VWC2: variants seen among roughly 807,000 people sequenced by gnomAD.
VWC2 encodes von Willebrand factor C domain containing 2.
In VWC2, 14 loss-of-function variants were observed where a neutral mutation model predicts 29.8. The observed-to-expected ratio is 0.47, with a 90% confidence interval of 0.31 to 0.74. The LOEUF (loss-of-function observed/expected upper bound fraction) is 0.74. Among genes scored for constraint, VWC2 ranks in the 30% least tolerant of loss-of-function variants. The pLI is 0.05. For missense variants in VWC2, 457 were observed against 459.8 expected, an observed-to-expected ratio of 0.99 and a Z score of 0.05; for synonymous variants, 213 against 199.0, an observed-to-expected ratio of 1.07 and a Z score of -0.59.
intron 3 of VWC2, among the ~76,000 whole-genome samples, chr7:49,827,165 A>G (rs535058762): frequency 6.6e-6 from 1 of 152,176 alleles, no homozygotes; most frequent in Admixed American, 6.5e-5. Context: ...GTTATGTCAT[A>G]TTGCAGTTGT....
At chr7:49,840,991 G>C (rs538072310) in intron 3 of VWC2, among the ~76,000 whole-genome samples, 2 of 152,228 alleles carry the variant, frequency 1.3e-5, no homozygotes, top group Non-Finnish European at 2.9e-5. Flanking sequence ...AGAAGAGCTA[G>C]AAGGAATACC....
At chr7:49,854,750 G>A (rs1264943216) in intron 3 of VWC2, among the ~76,000 whole-genome samples, 1 of 152,154 alleles carries the variant, frequency 6.6e-6, no homozygotes, top group Non-Finnish European at 1.5e-5. Context: ...AGCTTTTGTT[G>A]CTGTTGCTTT....
At chr7:49,780,630 T>C (rs895988207) in intron 2 of VWC2, among the ~76,000 whole-genome samples, 2 of 152,210 alleles carry the variant, frequency 1.3e-5, no homozygotes, top group African/African-American at 4.8e-5. Context: ...AGGATTGATA[T>C]CAGCAAAGTG....
chr7:49,801,556 G>A (rs1344423087), intron 2 of VWC2, among the ~76,000 whole-genome samples: 1 of 152,228 alleles, frequency 6.6e-6, no homozygotes, highest in Non-Finnish European at 1.5e-5. Context: ...GGAATGGCTG[G>A]TATGCTTGAT....
chr7:49,880,617 G>T (rs942794052), intron 3 of VWC2, among the ~76,000 whole-genome samples: 1 of 150,552 alleles, frequency 6.6e-6, no homozygotes, highest in Non-Finnish European at 1.5e-5. Context: ...TATACTTTAA[G>T]TTCTAGGGTA....
At chr7:49,802,405 AGGCG>A (rs2128705899) in intron 2 of VWC2, among the ~76,000 whole-genome samples, 1 of 152,320 alleles carries the variant, frequency 6.6e-6, no homozygotes, top group African/African-American at 2.4e-5. Context: ...TGGGAGGCTG[AGGCG>A]GGCAGATCAC....
intron 3 of VWC2, among the ~76,000 whole-genome samples, chr7:49,811,499 T>C (rs1789005124): frequency 6.6e-6 from 1 of 152,208 alleles, no homozygotes; most frequent in Non-Finnish European, 1.5e-5. Flanking sequence ...TCTTCTGCCA[T>C]GATTGTAAGT....
At chr7:49,834,032 C>T (rs769899702) in intron 3 of VWC2, among the ~76,000 whole-genome samples, 10 of 152,156 alleles carry the variant, frequency 6.6e-5, no homozygotes, top group Non-Finnish European at 8.8e-5. Context: ...ATCCAGAAGT[C>T]ATAAAGTTGA....
intron 3 of VWC2, among the ~76,000 whole-genome samples, chr7:49,866,225 C>T (rs958080508): frequency 8.5e-5 from 13 of 152,174 alleles, no homozygotes; most frequent in African/African-American, 1.9e-4. Context: ...ATAGACCCTT[C>T]GCCAGATGTG....
chr7:49,797,383 T>C (rs1289654700), intron 2 of VWC2, among the ~76,000 whole-genome samples: 1 of 152,230 alleles, frequency 6.6e-6, no homozygotes, highest in Non-Finnish European at 1.5e-5. Flanking sequence ...CTGGAATTAC[T>C]CTCTAGCCTC....
chr7:49,822,273 C>T (rs1789279760), intron 3 of VWC2, among the ~76,000 whole-genome samples: 1 of 152,154 alleles, frequency 6.6e-6, no homozygotes, highest in East Asian at 1.9e-4. Context: ...ATATCAATCA[C>T]GTAGTGTTTT....
intron 3 of VWC2, among the ~76,000 whole-genome samples, chr7:49,832,698 G>A (rs573490955): frequency 6.6e-6 from 1 of 152,122 alleles, no homozygotes; most frequent in East Asian, 1.9e-4. Context: ...GTCTGCTGGG[G>A]CCTAGTGCAG....
chr7:49,775,423 G>C lies in VWC2; in HGVS notation c.-13G>C. 7.4e-7 allele frequency: 1 copy of C among 1,348,488 alleles called. No homozygotes were observed. The allele number at this position is 1,348,488 out of a possible 1,614,324, so 83.5% of individuals were successfully genotyped here. On this transcript the variant is annotated 5_prime_UTR_variant, in exon 2 of 4. Transcript: ENST00000340652. ...CGCTCCCCGCCCGCCCGCCCGCCGG[G>C]ACGTGGTAGGGGATGCCCAGCTCCA...
At chr7:49,789,394 A>G (rs138914715) in intron 2 of VWC2, among the ~76,000 whole-genome samples, 1 of 151,312 alleles carries the variant, frequency 6.6e-6, no homozygotes, top group Non-Finnish European at 1.5e-5. Flanking sequence ...TGAAGTAGGC[A>G]TAGTGGTTTC....
At chr7:49,786,578 A>T (rs919546692) in intron 2 of VWC2, among the ~76,000 whole-genome samples, 3 of 152,206 alleles carry the variant, frequency 2.0e-5, no homozygotes, top group Non-Finnish European at 2.9e-5. Context: ...GCAGTGGCTG[A>T]ACTAATTTAC....
Position 49,832,123 on chromosome 7 carries a change from G to T in VWC2, c.826+29283G>T, listed in dbSNP as rs139577759. Among the ~76,000 whole-genome samples, 232 of 152,266 alleles carry T rather than the reference G, an allele frequency of 1.5e-3. 1 individual carries two copies. Among genetic ancestry groups the T allele is most frequent in the African/African-American group, 5.3e-3 (220 of 41,566 alleles). Reference sequence around the variant, plus strand: ...AATTATTTATGAGGCAGAAAAATGGGAATTTGCAAGGTCTTTGTCTTTTTC... The same window carrying T: ...AATTATTTATGAGGCAGAAAAATGGTAATTTGCAAGGTCTTTGTCTTTTTC... On this transcript the variant is annotated intron_variant, in intron 3 of 3. Coordinates refer to ENST00000340652, the MANE Select transcript of VWC2 (RefSeq NM_198570.5).
At chr7:49,778,082 G>A (rs1018901567) in intron 2 of VWC2, among the ~76,000 whole-genome samples, 1 of 151,136 alleles carries the variant, frequency 6.6e-6, no homozygotes, top group Non-Finnish European at 1.5e-5. Flanking sequence ...TTACCTACCT[G>A]AGATCACAGG....
intron 3 of VWC2, among the ~76,000 whole-genome samples, chr7:49,855,852 C>T (rs1226241483): frequency 6.6e-6 from 1 of 152,144 alleles, no homozygotes; most frequent in Non-Finnish European, 1.5e-5. Context: ...ACCTGGCTCC[C>T]CTGCTGATTC....
rs182939683 is a variant in VWC2 at position 49,792,528 on chromosome 7, G to A, written c.697-10183G>A. Among the ~76,000 whole-genome samples, 23 of 152,328 alleles carry A rather than the reference G, an allele frequency of 1.5e-4. 1 individual carries two copies. The highest frequency in any genetic ancestry group is 6.8e-3 in the Middle Eastern group (2 of 294). Reference sequence around the variant, plus strand: ...CCCTTTTTAACATGAGGACATGGAAGCTCAGGAAGGAAAAAGGACTGGCTG... The same window carrying A: ...CCCTTTTTAACATGAGGACATGGAAACTCAGGAAGGAAAAAGGACTGGCTG... On this transcript the variant is annotated intron_variant, in intron 2 of 3. Transcript: ENST00000340652.
Sources: allele counts gnomAD v4.1 joint callset (sites outside exome capture counted in the v4.1 genomes callset), GRCh38; gene constraint gnomAD v4.1.1; transcripts MANE v1.5; gene names NCBI Gene and HGNC (gene_info 2026-07-23, HGNC 2026-07-21).